The following ATRX variants were observed in gnomAD, a reference collection of about 807,000 sequenced individuals.
ATRX encodes the protein ATRX chromatin remodeler.
In ATRX, 12 loss-of-function variants were observed where a neutral mutation model predicts 172.6. That is an observed-to-expected ratio of 0.07 (90% CI 0.04 to 0.11). The LOEUF (loss-of-function observed/expected upper bound fraction) is 0.11, where lower values mean the gene tolerates loss of function less well. ATRX is among the 10% of genes least tolerant of loss of function. ATRX has a pLI of 1.00. For synonymous variants in ATRX, 674 were observed against 594.7 expected (o/e 1.13, Z -1.94); for missense variants, 1,368 against 1,767.4 (o/e 0.77, Z 4.05).
chrX:77,539,569 A>G (rs1198654960), intron 30 of ATRX, among the ~76,000 whole-genome samples: 1 of 111,274 alleles, frequency 9.0e-6, no homozygotes, highest in Non-Finnish European at 1.9e-5. Context: ...CTAAAAAAAA[A>G]AGAGACATAA....
intron 13 of ATRX, among the ~76,000 whole-genome samples, chrX:77,654,570 T>TA (rs782632448): frequency 5.6e-5 from 6 of 107,418 alleles, no homozygotes; most frequent in Middle Eastern, 4.7e-3. Flanking sequence ...CACAGAGATT[T>TA]AAAAAAAAAA....
intron 21 of ATRX, among the ~76,000 whole-genome samples, chrX:77,617,597 C>T (rs1341808792): frequency 9.0e-6 from 1 of 111,571 alleles, no homozygotes; most frequent in Non-Finnish European, 1.9e-5. Flanking sequence ...CTTATAATGC[C>T]TCACACAATA....
At chrX:77,555,901 G>A (rs927389996) in intron 30 of ATRX, among the ~76,000 whole-genome samples, 2 of 109,619 alleles carry the variant, frequency 1.8e-5, no homozygotes, top group Non-Finnish European at 3.8e-5. Context: ...AGGACCAGGC[G>A]CGGTGGCTCA....
chrX:77,577,223 T>C (rs1450796570), intron 27 of ATRX, among the ~76,000 whole-genome samples: 1 of 111,672 alleles, frequency 9.0e-6, no homozygotes, highest in African/African-American at 3.3e-5. Flanking sequence ...TATACCATTT[T>C]ACATTCTAAC....
intron 25 of ATRX, 71 bp downstream of exon 25, chrX:77,599,340 A>G: frequency 2.6e-6 from 3 of 1,138,346 alleles, no homozygotes; most frequent in South Asian, 3.7e-5. Context: ...TAAGTGACTG[A>G]AAAAAGGACT....
chrX:77,717,002 T>C, intron 2 of ATRX, 129 bp downstream of exon 2: 1 of 543,392 alleles, frequency 1.8e-6, no homozygotes. Context: ...CTTGCTAATC[T>C]GTCATTTTCC....
intron 1 of ATRX, among the ~76,000 whole-genome samples, chrX:77,725,204 C>T (rs1303599081): frequency 9.0e-6 from 1 of 111,476 alleles, no homozygotes; most frequent in Non-Finnish European, 1.9e-5. Flanking sequence ...AGGCATCACG[C>T]TACCTGACTT....
intron 9 of ATRX, 26 bp downstream of exon 9, chrX:77,681,494 T>C (rs782276970): frequency 3.4e-6 from 4 of 1,189,176 alleles, no homozygotes; most frequent in Admixed American, 2.2e-5. Context: ...GTACAAATTA[T>C]GAATTTTTTA....
intron 9 of ATRX, among the ~76,000 whole-genome samples, chrX:77,677,135 G>C (rs782323859): frequency 9.1e-6 from 1 of 110,188 alleles, no homozygotes; most frequent in East Asian, 2.8e-4. Flanking sequence ...AAAATCTAAA[G>C]AGGTTAAGAT....
At chrX:77,651,857 TA>T (rs782693581) in intron 15 of ATRX, 22 of 348,437 alleles carry the variant, frequency 6.3e-5, no homozygotes, top group Middle Eastern at 8.1e-4. Context: ...AGACTCCGTC[TA>T]AAAAAAAGAA....
chrX:77,729,528 C>T (rs2074208655), intron 1 of ATRX, among the ~76,000 whole-genome samples: 1 of 112,167 alleles, frequency 8.9e-6, no homozygotes, highest in Non-Finnish European at 1.9e-5. Context: ...TGACGCAAAA[C>T]TAATTTAAAA....
chrX:77,585,275 T>C (rs916919643), intron 27 of ATRX, among the ~76,000 whole-genome samples: 17 of 109,662 alleles, frequency 1.6e-4, no homozygotes, highest in Non-Finnish European at 2.8e-4. Flanking sequence ...AGAGCTACCA[T>C]AGAATCCGGC....
intron 1 of ATRX, among the ~76,000 whole-genome samples, chrX:77,736,161 A>G (rs1265656203): frequency 1.8e-5 from 2 of 111,537 alleles, no homozygotes; most frequent in Admixed American, 9.6e-5. Context: ...TCTGGGCAAA[A>G]TTTTCTTGAA....
chrX:77,512,538 A>G (rs940213558), intron 34 of ATRX, among the ~76,000 whole-genome samples: 1 of 112,687 alleles, frequency 8.9e-6, no homozygotes, highest in Non-Finnish European at 1.9e-5. Context: ...GGTAACTTCA[A>G]AAAAACAAAC....
At chrX:77,596,761 T>C (rs959920499) in intron 25 of ATRX, 1 of 110,794 alleles carries the variant, frequency 9.0e-6, no homozygotes, top group Admixed American at 9.7e-5. Context: ...GACTACTCAT[T>C]TACGGAGGCA....
chrX:77,689,931 AC>A (rs1188994653), intron 6 of ATRX, among the ~76,000 whole-genome samples: 1 of 112,369 alleles, frequency 8.9e-6, no homozygotes, highest in African/African-American at 3.2e-5. Context: ...CAACTAAAAA[AC>A]AAATTGGCTC....
chrX:77,622,520 G>C (rs1295808647), intron 19 of ATRX, among the ~76,000 whole-genome samples: 2 of 111,209 alleles, frequency 1.8e-5, no homozygotes, highest in Admixed American at 9.6e-5. Flanking sequence ...GGCAACACAG[G>C]GATCCATCAG....
intron 6 of ATRX, among the ~76,000 whole-genome samples, chrX:77,692,846 AGTGTGTGTGTGTGT>A (rs3063059): frequency 6.1e-4 from 50 of 82,100 alleles, no homozygotes; most frequent in South Asian, 1.5e-3. Flanking sequence ...CCAATATTAG[AGTGTGTGTGTGTGT>A]GTGTGTGTGT....
At chrX:77,739,563 A>G (rs1309011002) in intron 1 of ATRX, among the ~76,000 whole-genome samples, 1 of 110,745 alleles carries the variant, frequency 9.0e-6, no homozygotes. Flanking sequence ...GCAACTAAAC[A>G]TAGGGTGCTA....
Sources: allele counts gnomAD v4.1 joint callset (sites outside exome capture counted in the v4.1 genomes callset), GRCh38; gene constraint gnomAD v4.1.1; transcripts MANE v1.5; gene names NCBI Gene and HGNC (gene_info 2026-07-23, HGNC 2026-07-21).